Variants in PDE4B observed in about 807,000 individuals in gnomAD.
PDE4B encodes the protein 3',5'-cyclic-AMP phosphodiesterase 4B.
In PDE4B, 20 loss-of-function variants were observed where a neutral mutation model predicts 82.2. The observed-to-expected ratio is 0.24, with a 90% confidence interval of 0.17 to 0.35. The LOEUF is 0.35. Ranked by LOEUF, PDE4B falls within the 10% of genes least tolerant of loss-of-function variation. The probability of loss-of-function intolerance (pLI) is 1.00; values close to 1 mark genes in which losing one functional copy is unlikely to be tolerated. For synonymous variants in PDE4B, 320 were observed against 318.9 expected (o/e 1.00, Z -0.04); for missense variants, 655 against 907.2 (o/e 0.72, Z 3.57).
intron 3 of PDE4B, among the ~76,000 whole-genome samples, chr1:65,946,500 T>C (rs1648720223): frequency 6.6e-6 from 1 of 152,030 alleles, no homozygotes; most frequent in Non-Finnish European, 1.5e-5. Flanking sequence ...AGCACATCAC[T>C]ATCTTCAGCT....
intron 3 of PDE4B, among the ~76,000 whole-genome samples, chr1:66,090,251 G>A (rs544835647): frequency 6.6e-6 from 1 of 151,890 alleles, no homozygotes; most frequent in Non-Finnish European, 1.5e-5. Flanking sequence ...ATAAAAGGAA[G>A]TATCTCTTCT....
At chr1:66,347,516 G>T (rs1204714463) in intron 8 of PDE4B, among the ~76,000 whole-genome samples, 1 of 152,174 alleles carries the variant, frequency 6.6e-6, no homozygotes, top group African/African-American at 2.4e-5. Flanking sequence ...TTCAGGGAAG[G>T]AAAGGATAGA....
chr1:66,223,945 G>A (rs145226508), intron 3 of PDE4B, among the ~76,000 whole-genome samples: 31 of 152,160 alleles, frequency 2.0e-4, no homozygotes, highest in East Asian at 1.4e-3. Flanking sequence ...TAACTTCTAC[G>A]TGCATGTAGA....
intron 3 of PDE4B, among the ~76,000 whole-genome samples, chr1:66,170,923 G>C (rs1471884507): frequency 6.6e-6 from 1 of 152,104 alleles, no homozygotes; most frequent in Non-Finnish European, 1.5e-5. Context: ...TTTTAAATAG[G>C]AGCATTGCTT....
chr1:65,985,444 G>A (rs954928687), intron 3 of PDE4B, among the ~76,000 whole-genome samples: 1 of 151,982 alleles, frequency 6.6e-6, no homozygotes, highest in African/African-American at 2.4e-5. Context: ...ATCTATTTCA[G>A]ACAAGACTAC....
At chr1:65,979,495 T>C (rs1004046764) in intron 3 of PDE4B, among the ~76,000 whole-genome samples, 10 of 152,234 alleles carry the variant, frequency 6.6e-5, no homozygotes, top group African/African-American at 2.4e-4. Flanking sequence ...TTTCTGCTTA[T>C]GGAAGGTCAG....
intron 3 of PDE4B, among the ~76,000 whole-genome samples, chr1:65,946,241 A>G (rs148939315): frequency 5.3e-5 from 8 of 152,094 alleles, no homozygotes; most frequent in African/African-American, 1.9e-4. Flanking sequence ...CACCTGCTCA[A>G]GTTTGACCCT....
At chr1:66,178,827 G>C (rs1396180926) in intron 3 of PDE4B, among the ~76,000 whole-genome samples, 2 of 152,034 alleles carry the variant, frequency 1.3e-5, no homozygotes, top group Admixed American at 6.6e-5. Flanking sequence ...TCAATCAACT[G>C]TTCAGAAAAA....
intron 1 of PDE4B, among the ~76,000 whole-genome samples, chr1:65,826,928 G>T (rs925222510): frequency 2.0e-5 from 3 of 152,122 alleles, no homozygotes; most frequent in Non-Finnish European, 4.4e-5. Context: ...ACATACAACT[G>T]GGAAAGCTCC....
chr1:65,920,138 G>A (rs1384060208), intron 3 of PDE4B, among the ~76,000 whole-genome samples: 7 of 152,290 alleles, frequency 4.6e-5, no homozygotes, highest in African/African-American at 1.7e-4. Flanking sequence ...TATAATTACG[G>A]ATTTGGAGTC....
chr1:65,936,006 G>A (rs1227134157), intron 3 of PDE4B, among the ~76,000 whole-genome samples: 1 of 151,990 alleles, frequency 6.6e-6, no homozygotes, highest in Non-Finnish European at 1.5e-5. Context: ...AAAGATATTT[G>A]TTATATCCTT....
At chr1:66,320,196 ACTC>A (rs1348667629) in intron 7 of PDE4B, among the ~76,000 whole-genome samples, 1 of 151,524 alleles carries the variant, frequency 6.6e-6, no homozygotes, top group East Asian at 1.9e-4. Context: ...ATGTCCTTGA[ACTC>A]TATCTCTGCA....
At chr1:65,939,334 C>T (rs1648320500) in intron 3 of PDE4B, among the ~76,000 whole-genome samples, 1 of 152,044 alleles carries the variant, frequency 6.6e-6, no homozygotes, top group African/African-American at 2.4e-5. Context: ...GCATCCTCCT[C>T]CTTTCCCTTT....
chr1:66,025,791 C>T (rs187834856), intron 3 of PDE4B, among the ~76,000 whole-genome samples: 11 of 152,236 alleles, frequency 7.2e-5, no homozygotes, highest in Admixed American at 2.6e-4. Context: ...GCAAATTATC[C>T]CATGTACTTA....
At position 66,082,814 on chromosome 1, in the gene PDE4B, A is replaced by C. The variant is rs17128380; in HGVS notation, c.281+163979A>C. On this transcript the variant is annotated intron_variant, in intron 3 of 16. Transcript: ENST00000341517. ...TTTGCTTAAAAATATTATGAGTATC[A>C]TGTAGGTTTGAAATACTATGCTAGG... 6.4e-3 allele frequency among the ~76,000 whole-genome samples: 974 copies of C among 152,146 alleles called. 42 individuals are homozygous for C. In the East Asian group the frequency reaches 0.12, roughly 18 times the overall value.
intron 3 of PDE4B, among the ~76,000 whole-genome samples, chr1:65,932,411 C>A (rs1365140595): frequency 6.6e-6 from 1 of 151,992 alleles, no homozygotes; most frequent in Non-Finnish European, 1.5e-5. Flanking sequence ...CTGCTAAGAA[C>A]AAAGAAAACA....
intron 8 of PDE4B, among the ~76,000 whole-genome samples, chr1:66,350,144 C>A (rs1170100900): frequency 2.0e-5 from 3 of 152,048 alleles, no homozygotes; most frequent in Non-Finnish European, 4.4e-5. Context: ...AGCCCCTTCA[C>A]TTTCCTGATG....
At chr1:66,224,587 C>T (rs891740360) in intron 3 of PDE4B, among the ~76,000 whole-genome samples, 12 of 152,224 alleles carry the variant, frequency 7.9e-5, no homozygotes, top group East Asian at 3.9e-4. Flanking sequence ...GGCACTGTGG[C>T]GTGTGCCTGT....
chr1:66,308,787 T>C (rs1166634284), intron 7 of PDE4B, among the ~76,000 whole-genome samples: 1 of 152,180 alleles, frequency 6.6e-6, no homozygotes, highest in Non-Finnish European at 1.5e-5. Context: ...AAAGATTATG[T>C]ATATTTTTAT....
Sources: gnomAD v4.1 joint callset for allele counts (sites outside exome capture counted in the v4.1 genomes callset) on GRCh38, gnomAD v4.1.1 for gene constraint, MANE v1.5 for transcripts, NCBI Gene and HGNC (gene_info 2026-07-23, HGNC 2026-07-21) for gene names.